USP18: variants seen among roughly 807,000 people sequenced by gnomAD.
USP18 encodes ubiquitin specific peptidase 18, also known as ubl carboxyl-terminal hydrolase 18.
USP18 carries 11 observed loss-of-function variants against 48.7 expected under a neutral mutation model. The ratio of observed to expected loss-of-function variants is 0.23; its 90% CI spans 0.14 to 0.37. The LOEUF is 0.37. Ranked by LOEUF, USP18 falls within the 10% of genes least tolerant of loss-of-function variation. USP18 has a pLI of 1.00. For missense variants in USP18, 285 were observed against 436.4 expected, an observed-to-expected ratio of 0.65 and a Z score of 3.09; for synonymous variants, 114 against 163.2, an observed-to-expected ratio of 0.70 and a Z score of 2.30.
Position 18,172,745 on chromosome 22 carries a change from G to A in USP18, c.892-405G>A, listed in dbSNP as rs1434247563. ...CTGTGGGTGACTCAGCTTTGCGTCTGCCGCCCTTGCCCTCTGTCTCCCCTC... is the reference window on the plus strand; with the variant it reads ...CTGTGGGTGACTCAGCTTTGCGTCTACCGCCCTTGCCCTCTGTCTCCCCTC... On this transcript the variant is annotated intron_variant, in intron 8 of 10. Coordinates refer to ENST00000215794, the MANE Select transcript of USP18 (RefSeq NM_017414.4). 5.3e-5 allele frequency among the ~76,000 whole-genome samples: 8 copies of A among 150,840 alleles called. No individual in the cohort carries two copies. In the East Asian group the frequency reaches 5.8e-4, roughly 11 times the overall value.
At chr22:18,174,568 T>C (rs909828359) in intron 10 of USP18, among the ~76,000 whole-genome samples, 1 of 152,112 alleles carries the variant, frequency 6.6e-6, no homozygotes, top group Non-Finnish European at 1.5e-5. Context: ...ATACCTCTTT[T>C]ACAGCGAAGA....
At chr22:18,157,450 C>A in intron 1 of USP18, 108 bp from the exon 2 acceptor site, 1 of 602,734 alleles carries the variant, frequency 1.7e-6, no homozygotes, top group East Asian at 3.0e-5. Context: ...GTCAGTCTCC[C>A]CAAACATTTA....
At chr22:18,166,044 AT>A (rs959448694) in intron 4 of USP18, among the ~76,000 whole-genome samples, 2 of 151,536 alleles carry the variant, frequency 1.3e-5, no homozygotes, top group Non-Finnish European at 2.9e-5. Context: ...TTTGTATCAC[AT>A]TTTTTTTTGT....
At chr22:18,174,250 G>A (rs1318708876) in intron 10 of USP18, among the ~76,000 whole-genome samples, 1 of 142,328 alleles carries the variant, frequency 7.0e-6, no homozygotes, top group East Asian at 2.0e-4. Context: ...TTTTTTTGAC[G>A]GAGTCTCGCT....
chr22:18,158,468 C>T (rs1602522180), intron 2 of USP18, among the ~76,000 whole-genome samples: 1 of 152,098 alleles, frequency 6.6e-6, no homozygotes, highest in South Asian at 2.1e-4. Context: ...GCAATGTGCT[C>T]CTGATAGTCT....
intron 4 of USP18, among the ~76,000 whole-genome samples, chr22:18,165,761 C>T (rs934382571): frequency 4.8e-4 from 73 of 150,596 alleles, no homozygotes; most frequent in Non-Finnish European, 8.1e-4. Context: ...CTTCCACCCT[C>T]TAGGGGTTTG....
chr22:18,151,990 C>A (rs900837003), intron 1 of USP18, among the ~76,000 whole-genome samples: 4 of 152,058 alleles, frequency 2.6e-5, no homozygotes, highest in Admixed American at 2.6e-4. Flanking sequence ...GGAGGCGGAG[C>A]TTGCAGTGAG....
At chr22:18,173,095 G>T (rs1207630491) in intron 8 of USP18, 55 bp from the exon 9 acceptor site, 2 of 1,604,724 alleles carry the variant, frequency 1.2e-6, no homozygotes, top group Admixed American at 3.4e-5. Flanking sequence ...ATAAATGTGT[G>T]AGGCAGTCGT....
rs191220647 is a variant in USP18, at chr22:18,150,769, A to G, written c.-107+547A>G. 3.7e-4 allele frequency among the ~76,000 whole-genome samples: 57 copies of G among 152,306 alleles called. 1 individual carries two copies. The highest frequency in any genetic ancestry group is 2.9e-3 in the Admixed American group (44 of 15,296). On this transcript the variant is annotated intron_variant, in intron 1 of 10. Transcript: ENST00000215794. ...TCACCTGAGGTCAGGAGTTACAGACATGGAGAAACCCCGTCTCTACTAAAA... is the reference window on the plus strand; with the variant it reads ...TCACCTGAGGTCAGGAGTTACAGACGTGGAGAAACCCCGTCTCTACTAAAA...
At chr22:18,172,592 A>G (rs1390430328) in intron 8 of USP18, among the ~76,000 whole-genome samples, 1 of 151,116 alleles carries the variant, frequency 6.6e-6, no homozygotes, top group Non-Finnish European at 1.5e-5. Flanking sequence ...GCTGGTTGAT[A>G]TCTTTTAACA....
chr22:18,155,962 G>A (rs1008713536), intron 1 of USP18, among the ~76,000 whole-genome samples: 3 of 152,250 alleles, frequency 2.0e-5, no homozygotes, highest in Non-Finnish European at 4.4e-5. Context: ...GAGTCTGGTG[G>A]GGACTTGGAG....
chr22:18,167,405 C>T (rs1373034357), intron 5 of USP18, 71 bp downstream of exon 5: 52 of 1,570,508 alleles, frequency 3.3e-5, no homozygotes, highest in Middle Eastern at 1.7e-4. Flanking sequence ...CTGTTGTTCC[C>T]GTAGTGTGTA....
chr22:18,169,010 C>T (rs1250483785), intron 6 of USP18, among the ~76,000 whole-genome samples: 2 of 151,926 alleles, frequency 1.3e-5, no homozygotes, highest in Admixed American at 1.3e-4. Context: ...AAGTGGACCA[C>T]ACCAGGCCAG....
chr22:18,157,114 A>G (rs1929179064), intron 1 of USP18, among the ~76,000 whole-genome samples: 1 of 152,262 alleles, frequency 6.6e-6, no homozygotes, highest in African/African-American at 2.4e-5. Flanking sequence ...TGACTGCTGC[A>G]GCTGGCCGGC....
At chr22:18,174,521 C>T (rs1439529337) in intron 10 of USP18, among the ~76,000 whole-genome samples, 1 of 152,094 alleles carries the variant, frequency 6.6e-6, no homozygotes, top group Admixed American at 6.5e-5. Context: ...TGAGCCACCA[C>T]ACCTGGCCTT....
Position 18,170,629 on chromosome 22 carries a change from C to G in USP18, c.724-124C>G, listed in dbSNP as rs565679278. 5.5e-6 allele frequency: 7 copies of G among 1,273,738 alleles called. 2 individuals carry two copies. The highest frequency in any genetic ancestry group is 1.4e-5 in the South Asian group (1 of 71,884). The allele number at this position is 1,273,738 out of a possible 1,614,324, so 78.9% of individuals were successfully genotyped here. A position where few individuals can be genotyped will look rare whatever the true frequency, so the allele number is the denominator to read the frequency against. On this transcript the variant is annotated intron_variant, in intron 7 of 10. Transcript: ENST00000215794. ...GCTCAGCAGATTCGGCGAACAGGAG[C>G]CTTGAACTCCGTGATGTCGCCCCGC...
chr22:18,164,054 ACT>A (rs1443975217), intron 4 of USP18, among the ~76,000 whole-genome samples: 1 of 152,110 alleles, frequency 6.6e-6, no homozygotes, highest in Non-Finnish European at 1.5e-5. Flanking sequence ...GCATTGTTTT[ACT>A]CTTTGTCACC....
intron 1 of USP18, among the ~76,000 whole-genome samples, chr22:18,157,048 C>T (rs917753479): frequency 1.1e-4 from 17 of 152,330 alleles, no homozygotes; most frequent in African/African-American, 3.8e-4. Context: ...AGCCCAGCAC[C>T]AGGATGTGCC....
rs540944104 is a variant in USP18, at chr22:18,157,952, A to G, written c.157+132A>G. On this transcript the variant is annotated intron_variant, in intron 2 of 10. Transcript: ENST00000215794. ...CTGTGCCTGAGTTTCTGCATCTTTT[A>G]GATGGGGATACAGCCTGGGCCATAG... The G allele has an allele frequency of 1.9e-5, 25 of 1,291,034 alleles. No homozygotes were observed. The East Asian group carries it at 6.0e-4, about 31-fold the overall frequency. 80.0% of individuals were successfully genotyped at this position (1,291,034 alleles called of 1,614,324 possible). A position where few individuals can be genotyped will look rare whatever the true frequency, so the allele number is the denominator to read the frequency against.
Sources: gnomAD v4.1 joint callset for allele counts (sites outside exome capture counted in the v4.1 genomes callset) on GRCh38, gnomAD v4.1.1 for gene constraint, MANE v1.5 for transcripts, NCBI Gene and HGNC (gene_info 2026-07-23, HGNC 2026-07-21) for gene names.